The following ADGRB1 variants were observed in gnomAD, a reference collection of about 807,000 sequenced individuals.
ADGRB1 encodes adhesion G protein-coupled receptor B1.
Under a neutral mutation model 175.7 loss-of-function variants are expected in ADGRB1, and 36 were observed. The ratio of observed to expected loss-of-function variants is 0.20; its 90% CI spans 0.16 to 0.27. The LOEUF is 0.27. Among genes scored for constraint, ADGRB1 ranks in the 10% least tolerant of loss-of-function variants. ADGRB1 has a pLI of 1.00. For missense variants in ADGRB1, 1,731 were observed against 2,255.3 expected (o/e 0.77, Z 4.71); for synonymous variants, 1,054 against 979.4 (o/e 1.08, Z -1.42).
At chr8:142,487,993 AGGTGCCT>A (rs1841770154) in intron 13 of ADGRB1, among the ~76,000 whole-genome samples, 1 of 152,140 alleles carries the variant, frequency 6.6e-6, no homozygotes, top group African/African-American at 2.4e-5. Context: ...GGCGCTGAGG[AGGTGCCT>A]GGTGCCTGCG....
chr8:142,481,473 T>A, intron 10 of ADGRB1, 44 bp from the exon 11 acceptor site: 1 of 1,577,404 alleles, frequency 6.3e-7, no homozygotes, highest in Non-Finnish European at 8.6e-7. Flanking sequence ...TGCCTGGACA[T>A]GTTCCACAGA....
Position 142,492,571 on chromosome 8 carries a change from G to A in ADGRB1, c.2675+1756G>A, listed in dbSNP as rs968390070. On this transcript the variant is annotated intron_variant, in intron 17 of 30. Coordinates refer to ENST00000517894, the MANE Select transcript of ADGRB1 (RefSeq NM_001702.3). The surrounding 1 kb of genome is among the most constrained non-coding windows in gnomAD (Gnocchi z 4.4). ...GAGCGTCGCAGGGGAAGGAGCAGCC[G>A]GGGCAAAGGCCTCAAGGTGGGATTG... 3.9e-5 allele frequency among the ~76,000 whole-genome samples: 6 copies of A among 152,096 alleles called. No individual in the cohort carries two copies. The highest frequency in any genetic ancestry group is 7.2e-5 in the African/African-American group (3 of 41,388).
chr8:142,506,337 G>C (rs1037131549), intron 17 of ADGRB1, among the ~76,000 whole-genome samples: 1 of 152,166 alleles, frequency 6.6e-6, no homozygotes, highest in Non-Finnish European at 1.5e-5. Flanking sequence ...GTCGCTCTAG[G>C]TCCCCACTCC....
chr8:142,490,685 A>T (rs1841939620), intron 16 of ADGRB1, 87 bp from the exon 17 acceptor site: 1 of 1,445,452 alleles, frequency 6.9e-7, no homozygotes, highest in South Asian at 1.2e-5. Context: ...GCCTGGTAGC[A>T]CACCTTTAGG....
At chr8:142,482,836 C>T (rs1841434650) in intron 11 of ADGRB1, among the ~76,000 whole-genome samples, 1 of 150,976 alleles carries the variant, frequency 6.6e-6, no homozygotes, top group Non-Finnish European at 1.5e-5. Flanking sequence ...ATGCTGAGCC[C>T]TAATCCTGGT....
chr8:142,490,827 T>A lies in ADGRB1; in HGVS notation c.2675+12T>A. ...GATGAGACGGATGTGTAAGTTCACT[T>A]GGATTTCATGGCCGTGGGGGTCTGG... is the stretch of plus-strand genomic sequence containing the variant. On this transcript the variant is annotated intron_variant, in intron 17 of 30. Transcript: ENST00000517894. 1.3e-6 allele frequency: 2 copies of A among 1,575,740 alleles called. No individual in the cohort carries two copies. The highest frequency in any genetic ancestry group is 2.3e-5 in the South Asian group (2 of 85,822).
chr8:142,510,852 C>T lies in ADGRB1; in HGVS notation c.2676-80C>T, dbSNP rs963899162. On this transcript the variant is annotated intron_variant, in intron 17 of 30. Transcript: ENST00000517894. This position sits in a 1 kb window ranked among gnomAD's most constrained non-coding sequence, Gnocchi z 6.3. Reference sequence around the variant, plus strand: ...GGCCGGGGCCGGGGCGCGGAGCCGCCGCTCGGGGGCCGGGGCGCCCGCGTC... The same window carrying T: ...GGCCGGGGCCGGGGCGCGGAGCCGCTGCTCGGGGGCCGGGGCGCCCGCGTC... The T allele has an allele frequency of 3.8e-6, 3 of 793,928 alleles. No individual in the cohort carries two copies. Among genetic ancestry groups the T allele is most frequent in the Non-Finnish European group, 4.6e-6 (3 of 655,988 alleles). The allele number at this position is 793,928 out of a possible 1,614,324, so 49.2% of individuals were successfully genotyped here. A position where few individuals can be genotyped will look rare whatever the true frequency, so the allele number is the denominator to read the frequency against.
intron 18 of ADGRB1, among the ~76,000 whole-genome samples, chr8:142,513,517 CT>C (rs1477625357): frequency 6.6e-6 from 1 of 152,134 alleles, no homozygotes; most frequent in Non-Finnish European, 1.5e-5. Flanking sequence ...CAGCCTGCCC[CT>C]GGCAGGTTCC....
At chr8:142,489,563 T>C (rs992174854) in intron 16 of ADGRB1, 125 bp downstream of exon 16, 2 of 1,004,310 alleles carry the variant, frequency 2.0e-6, no homozygotes, top group Non-Finnish European at 3.0e-6. Context: ...GAGAGCTACT[T>C]TTATCCCTGG....
intron 11 of ADGRB1, among the ~76,000 whole-genome samples, chr8:142,482,455 C>T (rs1841408650): frequency 6.7e-6 from 1 of 149,708 alleles, no homozygotes; most frequent in Non-Finnish European, 1.5e-5. Flanking sequence ...GAACCCTGAC[C>T]TTGGTCACAT....
At chr8:142,512,178 C>T (rs952666591) in intron 18 of ADGRB1, among the ~76,000 whole-genome samples, 2 of 152,206 alleles carry the variant, frequency 1.3e-5, no homozygotes, top group Non-Finnish European at 1.5e-5. Context: ...AGAGAGAGGG[C>T]CTTGCTCAAG....
At chr8:142,512,758 C>A (rs1334360350) in intron 18 of ADGRB1, among the ~76,000 whole-genome samples, 1 of 152,214 alleles carries the variant, frequency 6.6e-6, no homozygotes, top group African/African-American at 2.4e-5. Context: ...AGTCCCCAGG[C>A]GGTGGCATAC....
At chr8:142,479,249 GTCC>G in intron 7 of ADGRB1, 71 bp from the exon 8 acceptor site, 1 of 1,391,278 alleles carries the variant, frequency 7.2e-7, no homozygotes, top group Non-Finnish European at 9.3e-7. Flanking sequence ...CTGTCTTTGT[GTCC>G]TCCTGTCACT....
At chr8:142,515,424 G>A (rs999779767) in intron 18 of ADGRB1, among the ~76,000 whole-genome samples, 3 of 152,200 alleles carry the variant, frequency 2.0e-5, no homozygotes, top group Non-Finnish European at 2.9e-5. Context: ...GCCAGGCGGG[G>A]AGGAGAGGGA....
intron 23 of ADGRB1, 23 bp downstream of exon 23, chr8:142,524,327 C>T: frequency 6.4e-7 from 1 of 1,569,694 alleles, no homozygotes. Context: ...CCAGGCCCCA[C>T]TCCCCACGAC....
Position 142,543,288 on chromosome 8 carries a change from C to G in ADGRB1, c.4414-115C>G. ...GCATGTCCCCTGGGTCTGGCCTGGT[C>G]CCTGAAGGCAGGCATGGGGCGAGTG... On this transcript the variant is annotated intron_variant, in intron 28 of 30. Transcript: ENST00000517894. The surrounding 1 kb of genome is among the most constrained non-coding windows in gnomAD (Gnocchi z 4.4). The G allele has an allele frequency of 7.1e-7, 1 of 1,399,300 alleles. No homozygotes were observed. The highest frequency in any genetic ancestry group is 1.3e-5 in the South Asian group (1 of 78,666). The allele number at this position is 1,399,300 out of a possible 1,614,324, so 86.7% of individuals were successfully genotyped here. A position where few individuals can be genotyped will look rare whatever the true frequency, so the allele number is the denominator to read the frequency against.
At chr8:142,497,893 C>T (rs114648892) in intron 17 of ADGRB1, among the ~76,000 whole-genome samples, 1,863 of 152,304 alleles carry the variant, frequency 0.012, 43 homozygotes, top group African/African-American at 0.042. Flanking sequence ...CGTAAGGTCA[C>T]GGCTGCGGGC....
Position 142,520,945 on chromosome 8 carries a change from G to A in ADGRB1, c.3024+20G>A. The A allele has an allele frequency of 1.9e-6, 3 of 1,595,050 alleles. No homozygotes were observed. The highest frequency in any genetic ancestry group is 2.6e-6 in the Non-Finnish European group (3 of 1,163,478). ...AACAAGGTAGGCAGCCTTGCGTCCT[G>A]CCATGCACTTCCCAACATCCTCGGG... is the stretch of plus-strand genomic sequence containing the variant. On this transcript the variant is annotated intron_variant, in intron 20 of 30. Coordinates refer to ENST00000517894, the MANE Select transcript of ADGRB1 (RefSeq NM_001702.3).
Position 142,526,522 on chromosome 8 carries a change from C to A in ADGRB1, c.3313-20C>A, listed in dbSNP as rs1563741720. The A allele has an allele frequency of 1.3e-6, 2 of 1,543,510 alleles. No individual in the cohort carries two copies. The highest frequency in any genetic ancestry group is 1.4e-5 in the African/African-American group (1 of 73,576). On this transcript the variant is annotated intron_variant, in intron 23 of 30. Coordinates refer to ENST00000517894, the MANE Select transcript of ADGRB1 (RefSeq NM_001702.3). ...ACGGCGGCCCCCACCCCCACACCCCCACCACTCTCTGCCCGGCAGGTGAAC... is the reference window on the plus strand; with the variant it reads ...ACGGCGGCCCCCACCCCCACACCCCAACCACTCTCTGCCCGGCAGGTGAAC...
Sources: gnomAD v4.1 joint callset for allele counts (sites outside exome capture counted in the v4.1 genomes callset) on GRCh38, gnomAD v4.1.1 for gene constraint, Gnocchi (gnomAD v3.1) non-coding constraint, MANE v1.5 for transcripts, NCBI Gene and HGNC (gene_info 2026-07-23, HGNC 2026-07-21) for gene names.